The following CCSER1 variants were observed in gnomAD, a reference collection of about 807,000 sequenced individuals.
The protein encoded by CCSER1 is coiled-coil serine rich protein 1.
In CCSER1, 41 loss-of-function variants were observed where a neutral mutation model predicts 82.0. The ratio of observed to expected loss-of-function variants is 0.50; its 90% CI spans 0.39 to 0.65. CCSER1 has a LOEUF of 0.65. Among genes scored for constraint, CCSER1 ranks in the 30% least tolerant of loss-of-function variants. The probability of loss-of-function intolerance (pLI) is 0.00; values close to 1 mark genes in which losing one functional copy is unlikely to be tolerated. For synonymous variants in CCSER1, 414 were observed against 383.9 expected, an observed-to-expected ratio of 1.08 and a Z score of -0.92; for missense variants, 1,119 against 1,064.2, an observed-to-expected ratio of 1.05 and a Z score of -0.72.
At chr4:91,276,293 C>CTTTTTTTT (rs545936410) in intron 10 of CCSER1, among the ~76,000 whole-genome samples, 1 of 116,276 alleles carries the variant, frequency 8.6e-6, no homozygotes, top group Non-Finnish European at 1.8e-5. Flanking sequence ...GATGTCTTTC[C>CTTTTTTTT]TTTTTTTTTT....
At chr4:91,542,815 G>A (rs1761676636) in intron 10 of CCSER1, among the ~76,000 whole-genome samples, 1 of 152,162 alleles carries the variant, frequency 6.6e-6, no homozygotes, top group Non-Finnish European at 1.5e-5. Context: ...ATGTCTATCA[G>A]GCCTGCTTTG....
At chr4:90,515,500 T>A (rs1339590357) in intron 5 of CCSER1, among the ~76,000 whole-genome samples, 1 of 152,242 alleles carries the variant, frequency 6.6e-6, no homozygotes, top group African/African-American at 2.4e-5. Flanking sequence ...ATTGAAATTA[T>A]TTTTATTTAA....
At chr4:90,292,161 T>C (rs1186701761) in intron 1 of CCSER1, among the ~76,000 whole-genome samples, 2 of 151,950 alleles carry the variant, frequency 1.3e-5, no homozygotes, top group African/African-American at 2.4e-5. Context: ...TTTGCTCTTT[T>C]TTTCCTCTCT....
chr4:91,550,139 T>G (rs533830277), intron 10 of CCSER1, among the ~76,000 whole-genome samples: 1 of 152,290 alleles, frequency 6.6e-6, no homozygotes, highest in Non-Finnish European at 1.5e-5. Flanking sequence ...GAAAATAGTT[T>G]CTCCCAAGGG....
intron 10 of CCSER1, among the ~76,000 whole-genome samples, chr4:91,508,558 G>GTTT (rs201824630): frequency 7.5e-6 from 1 of 133,358 alleles, no homozygotes; most frequent in Non-Finnish European, 1.6e-5. Context: ...CTGGTCTGTA[G>GTTT]TTTTTTTTTT....
intron 3 of CCSER1, among the ~76,000 whole-genome samples, chr4:90,369,489 C>T (rs1211996856): frequency 6.6e-6 from 1 of 151,796 alleles, no homozygotes; most frequent in Non-Finnish European, 1.5e-5. Context: ...AATAAAAGAA[C>T]ATTAGAATAC....
intron 9 of CCSER1, among the ~76,000 whole-genome samples, chr4:91,009,062 G>T (rs1738774272): frequency 6.6e-6 from 1 of 152,198 alleles, no homozygotes; most frequent in South Asian, 2.1e-4. Flanking sequence ...CGGATCAGGA[G>T]CACAGTGGAC....
At chr4:91,073,623 T>C (rs886285605) in intron 9 of CCSER1, among the ~76,000 whole-genome samples, 6 of 152,074 alleles carry the variant, frequency 3.9e-5, no homozygotes, top group African/African-American at 1.4e-4. Context: ...AACAAACTGA[T>C]AGAGTAAAAT....
At chr4:90,981,981 G>A (rs973457930) in intron 9 of CCSER1, among the ~76,000 whole-genome samples, 2 of 151,810 alleles carry the variant, frequency 1.3e-5, no homozygotes, top group African/African-American at 2.4e-5. Context: ...AATTCTTCCT[G>A]CTGACTGGCC....
At chr4:91,570,009 C>T (rs1763092930) in intron 10 of CCSER1, among the ~76,000 whole-genome samples, 2 of 152,144 alleles carry the variant, frequency 1.3e-5, no homozygotes, top group Admixed American at 1.3e-4. Flanking sequence ...TACACCCATT[C>T]CAAATGGGAG....
In CCSER1 at chr4:90,933,004, GAA is replaced by G. The variant is rs751199306; in HGVS notation, c.2172+9559_2172+9560del. On this transcript the variant is annotated intron_variant, in intron 9 of 10. Transcript: ENST00000509176. ...AAAGAGAAAGAAAGAAAGAAAGAAA[GAA>G]AGAAAGAAAGAAAGAAAGAAAGAAA... is the stretch of plus-strand genomic sequence containing the variant. Among the ~76,000 whole-genome samples, 36 of 69,946 alleles carry G rather than the reference GAA, an allele frequency of 5.1e-4. 6 individuals carry two copies. Among genetic ancestry groups the G allele is most frequent in the African/African-American group, 2.5e-3 (24 of 9,578 alleles). The allele number at this position is 69,946 out of a possible 152,430, so 45.9% of individuals were successfully genotyped here. A position where few individuals can be genotyped will look rare whatever the true frequency, so the allele number is the denominator to read the frequency against.
At chr4:90,882,755 G>T (rs767634186) in intron 8 of CCSER1, among the ~76,000 whole-genome samples, 41 of 150,976 alleles carry the variant, frequency 2.7e-4, no homozygotes, top group South Asian at 2.1e-4. Context: ...CTTTAACACT[G>T]AAAAAAAACA....
rs1324975140 is a variant in CCSER1 at position 90,717,266 on chromosome 4, T to C, written c.1933-6648T>C. Among the ~76,000 whole-genome samples, 11 of 152,122 alleles carry C rather than the reference T, an allele frequency of 7.2e-5. No individual in the cohort carries two copies. In the South Asian group the frequency reaches 1.5e-3, roughly 20 times the overall value. On this transcript the variant is annotated intron_variant, in intron 6 of 10. Transcript: ENST00000509176. ...GGATTGAAAGTTTAGGAGAACTCAC[T>C]CCCCAATGGAAAACCAGAATGTTAA...
intron 1 of CCSER1, among the ~76,000 whole-genome samples, chr4:90,271,849 TA>T (rs1726451158): frequency 1.2e-4 from 3 of 24,218 alleles, no homozygotes; most frequent in Non-Finnish European, 1.9e-4. Context: ...TATATATATA[TA>T]TATATATATA....
chr4:90,308,110 C>T (rs1374622875), intron 1 of CCSER1, 134 bp from the exon 2 acceptor site: 2 of 592,890 alleles, frequency 3.4e-6, no homozygotes, highest in East Asian at 3.2e-5. Flanking sequence ...TATTAGGTAT[C>T]AGATTTTTGT....
At chr4:91,310,084 C>A (rs559516108) in intron 10 of CCSER1, among the ~76,000 whole-genome samples, 2 of 151,962 alleles carry the variant, frequency 1.3e-5, no homozygotes, top group East Asian at 3.9e-4. Flanking sequence ...CCAAATTTAC[C>A]TTTTTAATAA....
chr4:90,999,813 T>C (rs1737835749), intron 9 of CCSER1, among the ~76,000 whole-genome samples: 1 of 151,830 alleles, frequency 6.6e-6, no homozygotes, highest in Admixed American at 6.6e-5. Context: ...TTGTTTTGTT[T>C]TGTTTTTTGA....
intron 9 of CCSER1, among the ~76,000 whole-genome samples, chr4:91,043,207 G>T (rs1232344188): frequency 1.3e-5 from 2 of 151,908 alleles, no homozygotes; most frequent in Non-Finnish European, 2.9e-5. Flanking sequence ...CAGTCCTGAT[G>T]ATAAGGCATT....
chr4:90,397,256 G>A (rs1188666336), intron 3 of CCSER1, among the ~76,000 whole-genome samples: 1 of 152,106 alleles, frequency 6.6e-6, no homozygotes, highest in Admixed American at 6.6e-5. Flanking sequence ...ACCTGCAAAA[G>A]GAAAATAAAA....
Sources: allele counts gnomAD v4.1 joint callset (sites outside exome capture counted in the v4.1 genomes callset), GRCh38; gene constraint gnomAD v4.1.1; transcripts MANE v1.5; gene names NCBI Gene and HGNC (gene_info 2026-07-23, HGNC 2026-07-21).